The following ADCY9 variants were observed in gnomAD, a reference collection of about 807,000 sequenced individuals.
The protein encoded by ADCY9 is adenylate cyclase 9.
Under a neutral mutation model 101.5 loss-of-function variants are expected in ADCY9, and 50 were observed. That is an observed-to-expected ratio of 0.49 (90% CI 0.39 to 0.62). The LOEUF (loss-of-function observed/expected upper bound fraction) is 0.62. Among genes scored for constraint, ADCY9 ranks in the 20% least tolerant of loss-of-function variants. The pLI is 0.00. For synonymous variants in ADCY9, 905 were observed against 769.3 expected, an observed-to-expected ratio of 1.18 and a Z score of -2.92; for missense variants, 1,662 against 1,800.4, an observed-to-expected ratio of 0.92 and a Z score of 1.39.
chr16:4,104,337 G>T (rs55986407), intron 2 of ADCY9, among the ~76,000 whole-genome samples: 1 of 152,046 alleles, frequency 6.6e-6, no homozygotes, highest in Non-Finnish European at 1.5e-5. Context: ...AGTGCATGAC[G>T]TTATAAAATC....
chr16:4,082,575 C>A (rs1482516357), intron 2 of ADCY9, among the ~76,000 whole-genome samples: 2 of 151,116 alleles, frequency 1.3e-5, no homozygotes, highest in Non-Finnish European at 3.0e-5. Flanking sequence ...CGCACACACA[C>A]ACATGCATGC....
intron 10 of ADCY9, among the ~76,000 whole-genome samples, chr16:3,973,403 T>C (rs529322162): frequency 1.3e-5 from 2 of 152,206 alleles, no homozygotes; most frequent in East Asian, 1.9e-4. Context: ...GACGGGGTTT[T>C]GCCATGTTGG....
chr16:4,015,334 C>T (rs1403813005), intron 2 of ADCY9, among the ~76,000 whole-genome samples: 1 of 152,052 alleles, frequency 6.6e-6, no homozygotes, highest in African/African-American at 2.4e-5. Flanking sequence ...CAGGAGTCCA[C>T]ACACTTCAGA....
intron 2 of ADCY9, among the ~76,000 whole-genome samples, chr16:4,099,411 T>C (rs556686256): frequency 1.9e-4 from 29 of 152,340 alleles, no homozygotes; most frequent in African/African-American, 4.8e-4. Flanking sequence ...TATTTCCTCA[T>C]AGAAACATGC....
intron 2 of ADCY9, chr16:4,054,223 A>G (rs552504543): frequency 2.6e-5 from 4 of 152,304 alleles, no homozygotes; most frequent in African/African-American, 9.6e-5. Context: ...TTTAAATAGC[A>G]GAGACAATGG....
At chr16:3,969,579 T>A (rs1382228060) in intron 10 of ADCY9, among the ~76,000 whole-genome samples, 5 of 34,784 alleles carry the variant, frequency 1.4e-4, no homozygotes, top group African/African-American at 9.0e-4. Flanking sequence ...AATATATATA[T>A]ATATATATAT....
chr16:4,078,399 C>T (rs79097931), intron 2 of ADCY9, among the ~76,000 whole-genome samples: 1 of 151,676 alleles, frequency 6.6e-6, no homozygotes, highest in Non-Finnish European at 1.5e-5. Flanking sequence ...TCCATCTCTA[C>T]AAAATACTTA....
At chr16:3,960,811 C>G (rs1433369459), downstream of ADCY9, among the ~76,000 whole-genome samples, 2 of 152,146 alleles carry the variant, frequency 1.3e-5, no homozygotes, top group African/African-American at 4.8e-5. Context: ...TCTTTAGAGT[C>G]ATGATATTTA....
intron 2 of ADCY9, among the ~76,000 whole-genome samples, chr16:4,040,906 C>A (rs140053113): frequency 6.6e-6 from 1 of 152,050 alleles, no homozygotes; most frequent in African/African-American, 2.4e-5. Context: ...GATTTTCCAA[C>A]GAGACAGGTG....
intron 2 of ADCY9, among the ~76,000 whole-genome samples, chr16:4,096,093 C>T (rs1386655470): frequency 6.6e-6 from 1 of 151,656 alleles, no homozygotes; most frequent in African/African-American, 2.4e-5. Flanking sequence ...CTCAATCTTA[C>T]GTATTTATAT....
intron 6 of ADCY9, 135 bp downstream of exon 6, chr16:3,988,859 G>T (rs530778432): frequency 1.4e-6 from 1 of 723,586 alleles, no homozygotes; most frequent in Non-Finnish European, 2.5e-6. Context: ...TGCCACTTAG[G>T]GTTTACAGAG....
At chr16:4,006,690 T>C (rs964974997) in intron 3 of ADCY9, among the ~76,000 whole-genome samples, 2 of 152,126 alleles carry the variant, frequency 1.3e-5, no homozygotes, top group Non-Finnish European at 2.9e-5. Flanking sequence ...AAACAGAAGG[T>C]ACCAGTGGGG....
chr16:4,087,850 CTT>C (rs201007285), intron 2 of ADCY9, among the ~76,000 whole-genome samples: 3 of 150,776 alleles, frequency 2.0e-5, no homozygotes, highest in Non-Finnish European at 3.0e-5. Flanking sequence ...CCTTCTTTCT[CTT>C]TTCTTTGTTT....
intron 2 of ADCY9, among the ~76,000 whole-genome samples, chr16:4,040,386 A>T (rs1252175934): frequency 6.6e-6 from 1 of 152,082 alleles, no homozygotes; most frequent in Admixed American, 6.6e-5. Flanking sequence ...GTGGCCAAGC[A>T]CTATCATATT....
intron 2 of ADCY9, among the ~76,000 whole-genome samples, chr16:4,071,247 T>C (rs998174391): frequency 4.2e-5 from 6 of 144,484 alleles, no homozygotes; most frequent in Admixed American, 1.5e-4. Flanking sequence ...GGAGAATCAA[T>C]TGAACCCGGG....
chr16:4,001,325 G>C (rs992330530), intron 3 of ADCY9, among the ~76,000 whole-genome samples: 4 of 152,156 alleles, frequency 2.6e-5, no homozygotes, highest in Admixed American at 2.0e-4. Flanking sequence ...TGAAGTCCCG[G>C]CCAGGCATTT....
intron 3 of ADCY9, among the ~76,000 whole-genome samples, chr16:4,003,361 G>A (rs980454386): frequency 1.4e-4 from 22 of 152,184 alleles, no homozygotes; most frequent in Non-Finnish European, 2.1e-4. Flanking sequence ...CCATGGCTCC[G>A]TCTGTGGTCA....
At chr16:3,967,373 C>T (rs2056008769) in intron 10 of ADCY9, among the ~76,000 whole-genome samples, 1 of 151,324 alleles carries the variant, frequency 6.6e-6, no homozygotes, top group East Asian at 1.9e-4. Context: ...TCTTTAGCTT[C>T]TTTCAAAAAT....
chr16:4,046,038 T>C (rs937206685), intron 2 of ADCY9, among the ~76,000 whole-genome samples: 1 of 151,846 alleles, frequency 6.6e-6, no homozygotes, highest in South Asian at 2.1e-4. Flanking sequence ...TTTGTAGAGT[T>C]GGGGGTCTTC....
Sources: gnomAD v4.1 joint callset for allele counts (sites outside exome capture counted in the v4.1 genomes callset) on GRCh38, gnomAD v4.1.1 for gene constraint, MANE v1.5 for transcripts, NCBI Gene and HGNC (gene_info 2026-07-23, HGNC 2026-07-21) for gene names.